Variants in TEAD2 observed in about 807,000 individuals in gnomAD.
TEAD2 encodes transcriptional enhancer factor TEF-4.
In TEAD2, 51 loss-of-function variants were observed where a neutral mutation model predicts 61.4. The observed-to-expected ratio is 0.83, with a 90% CI of 0.66 to 1.05. TEAD2 has a LOEUF of 1.05. Among genes scored for constraint, TEAD2 ranks in the 50% least tolerant of loss-of-function variants. TEAD2 has a pLI of 0.00. For missense variants in TEAD2, 509 were observed against 600.0 expected (o/e 0.85, Z 1.58); for synonymous variants, 244 against 243.2 (o/e 1.00, Z -0.03).
At chr19:49,355,230 G>A (rs763451476) in intron 6 of TEAD2, 24 bp from the exon 7 acceptor site, 2 of 1,613,688 alleles carry the variant, frequency 1.2e-6, no homozygotes, top group South Asian at 1.1e-5. Flanking sequence ...AAAGAAAAAT[G>A]GTTGGTCAGT....
chr19:49,346,407 A>G (rs754915117), intron 10 of TEAD2, among the ~76,000 whole-genome samples: 1 of 152,052 alleles, frequency 6.6e-6, no homozygotes, highest in Non-Finnish European at 1.5e-5. Context: ...CTGTAATCCC[A>G]GCACTTTGGG....
At chr19:49,361,155 C>T (rs1284286820) in intron 1 of TEAD2, among the ~76,000 whole-genome samples, 2 of 45,852 alleles carry the variant, frequency 4.4e-5, no homozygotes, top group African/African-American at 9.7e-5. Flanking sequence ...GGACAGAGAC[C>T]GGGGGGGGGG....
chr19:49,361,033 G>A (rs1265281713), intron 1 of TEAD2, among the ~76,000 whole-genome samples: 10 of 72,880 alleles, frequency 1.4e-4, no homozygotes, highest in African/African-American at 5.6e-4. Context: ...CCAGAGGGAG[G>A]GGGGGACAGA....
Position 49,359,195 on chromosome 19 carries a change from G to A in TEAD2, c.297+240C>T, listed in dbSNP as rs1017303900. On this transcript the variant is annotated intron_variant, in intron 3 of 12. Coordinates refer to ENST00000593945, the MANE Select transcript of TEAD2 (RefSeq NM_001256660.2). This position sits in a 1 kb window ranked among gnomAD's most constrained non-coding sequence, Gnocchi z 4.1. ...AGAGGTTGCAGTGAGCCAAGATCGCGCCACTGCACTCCGGCCTGGGCAACA... is the reference window on the plus strand; with the variant it reads ...AGAGGTTGCAGTGAGCCAAGATCGCACCACTGCACTCCGGCCTGGGCAACA... The A allele has an allele frequency of 1.3e-5, 6 of 456,548 alleles. No homozygotes were observed. The highest frequency in any genetic ancestry group is 4.9e-5 in the South Asian group (2 of 40,796). 28.3% of individuals were successfully genotyped at this position (456,548 alleles called of 1,614,324 possible). A position where few individuals can be genotyped will look rare whatever the true frequency, so the allele number is the denominator to read the frequency against.
chr19:49,360,337 C>T, intron 1 of TEAD2: 1 of 508,794 alleles, frequency 2.0e-6, no homozygotes, highest in African/African-American at 1.9e-5. Flanking sequence ...GATCTGGGGC[C>T]TGGACTCCTG....
chr19:49,347,087 G>T, intron 10 of TEAD2, 103 bp downstream of exon 10: 1 of 1,473,816 alleles, frequency 6.8e-7, no homozygotes, highest in Non-Finnish European at 9.3e-7. Flanking sequence ...GTAAGTCCCA[G>T]GCTGACCTGG....
chr19:49,347,786 C>G (rs1380965572), intron 9 of TEAD2, among the ~76,000 whole-genome samples: 1 of 152,186 alleles, frequency 6.6e-6, no homozygotes, highest in Non-Finnish European at 1.5e-5. Flanking sequence ...CTATATAGAA[C>G]AGGTGCTCAT....
chr19:49,347,024 CG>C (rs1237815588), intron 10 of TEAD2, among the ~76,000 whole-genome samples, 165 bp downstream of exon 10: 1 of 152,174 alleles, frequency 6.6e-6, no homozygotes, highest in African/African-American at 2.4e-5. Context: ...CTGGCCTCCT[CG>C]GTGTTCCTTG....
At chr19:49,349,841 A>G (rs1971897824) in intron 8 of TEAD2, among the ~76,000 whole-genome samples, 1 of 152,214 alleles carries the variant, frequency 6.6e-6, no homozygotes, top group Admixed American at 6.6e-5. Context: ...GGACCAACAC[A>G]GACATGATCC....
rs368046572 is a variant in TEAD2 at position 49,348,616 on chromosome 19, G to C, written c.747+87C>G. ...TCAGATGATTCTGATACATGCTAAA[G>C]TTTTAAAACCATGACTTTATACATT... On this transcript the variant is annotated intron_variant, in intron 9 of 12. Transcript: ENST00000593945. 25 of 1,271,812 alleles carry C rather than the reference G, an allele frequency of 2.0e-5. No individual in the cohort carries two copies. In the East Asian group the frequency reaches 4.6e-4, roughly 24 times the overall value. 78.8% of individuals were successfully genotyped at this position (1,271,812 alleles called of 1,614,324 possible). A position where few individuals can be genotyped will look rare whatever the true frequency, so the allele number is the denominator to read the frequency against.
chr19:49,355,251 C>G (rs1215710435), intron 6 of TEAD2, 45 bp from the exon 7 acceptor site: 1 of 1,613,396 alleles, frequency 6.2e-7, no homozygotes, highest in Non-Finnish European at 8.5e-7. Flanking sequence ...CCCCTGTGGA[C>G]AGCTGCAGCC....
At position 49,362,385 on chromosome 19, in the gene TEAD2, G is replaced by A. The variant is rs1973018935; in HGVS notation, c.-59C>T. ...GGCGCCTTCCTACCTCCCGGCCTGGGGCTGGGGAGCCGCGGGCGGGCGGGG... is the reference window on the plus strand; with the variant it reads ...GGCGCCTTCCTACCTCCCGGCCTGGAGCTGGGGAGCCGCGGGCGGGCGGGG... On this transcript the variant is annotated 5_prime_UTR_variant, in exon 1 of 13. Transcript: ENST00000593945. 1 of 152,236 alleles carries A rather than the reference G, an allele frequency of 6.6e-6. No individual in the cohort carries two copies. The highest frequency in any genetic ancestry group is 1.5e-5 in the Non-Finnish European group (1 of 68,064). 9.4% of individuals were successfully genotyped at this position (152,236 alleles called of 1,614,324 possible). A position where few individuals can be genotyped will look rare whatever the true frequency, so the allele number is the denominator to read the frequency against.
rs73590111 is a variant in TEAD2, at chr19:49,351,288, C to A, written c.604+13G>T. 1 of 1,608,888 alleles carries A rather than the reference C, an allele frequency of 6.2e-7. No individual in the cohort carries two copies. Among genetic ancestry groups the A allele is most frequent in the Non-Finnish European group, 8.5e-7 (1 of 1,177,994 alleles). ...AGAGGGGAGACAAGGGAGGGTGGAG[C>A]GCAGGCTCTTACCTGGGAGGTCAGT... is the stretch of plus-strand genomic sequence containing the variant. On this transcript the variant is annotated intron_variant, in intron 8 of 12. Transcript: ENST00000593945.
rs762284945 is a variant in TEAD2 at position 49,347,378 on chromosome 19, C to T, written c.748-15G>A. The T allele has an allele frequency of 6.2e-7, 1 of 1,600,420 alleles. No individual in the cohort carries two copies. Among genetic ancestry groups the T allele is most frequent in the South Asian group, 1.1e-5 (1 of 90,966 alleles). On this transcript the variant is annotated splice_polypyrimidine_tract_variant and intron_variant, in intron 9 of 12. Transcript: ENST00000593945. ...TGCCTCTGGTACTGAGGAGGGTTGG[C>T]CGTGGGTGAGAAGTCGGAGGTGAGC...
intron 7 of TEAD2, among the ~76,000 whole-genome samples, chr19:49,352,344 G>A (rs1972078156): frequency 6.6e-6 from 1 of 152,168 alleles, no homozygotes; most frequent in South Asian, 2.1e-4. Context: ...TTAAATAGCT[G>A]CATGAGGCTA....
chr19:49,356,397 A>AC (rs939133312), intron 4 of TEAD2: 1 of 153,900 alleles, frequency 6.5e-6, no homozygotes, highest in Non-Finnish European at 1.4e-5. Flanking sequence ...AAAAAAAAAA[A>AC]AAACCAGAAG....
chr19:49,347,355 C>T lies in TEAD2; in HGVS notation c.756G>A (p.Arg252=), dbSNP rs373092673. 3.5e-5 allele frequency: 57 copies of T among 1,609,120 alleles called. No individual in the cohort carries two copies. The highest frequency in any genetic ancestry group is 6.7e-5 in the African/African-American group (5 of 74,876). Residue 252 remains arginine (R), a synonymous_variant, in exon 10 of 13, where the codon AGG becomes AGA. Transcript: ENST00000593945. ...EPPDAVDSYQ[R]HLFVHISQHC... is the part of the protein sequence containing the mutation. ...GCTGGCTGATGTGCACGAACAGGTGCCTCTGGTACTGAGGAGGGTTGGCCG... is the reference window on the plus strand; with the variant it reads ...GCTGGCTGATGTGCACGAACAGGTGTCTCTGGTACTGAGGAGGGTTGGCCG...
chr19:49,354,897 C>T (rs2099103), intron 7 of TEAD2, among the ~76,000 whole-genome samples: 2,787 of 152,274 alleles, frequency 0.018, 44 homozygotes, highest in Non-Finnish European at 0.029. Context: ...ACTCGGGAGG[C>T]TGAGGCAGGA....
At chr19:49,351,503 G>A in intron 7 of TEAD2, 138 bp from the exon 8 acceptor site, 2 of 759,912 alleles carry the variant, frequency 2.6e-6, no homozygotes, top group Non-Finnish European at 4.2e-6. Context: ...AGTGCGTGAG[G>A]TAGGTAGAAT....
Sources: gnomAD v4.1 joint callset for allele counts (sites outside exome capture counted in the v4.1 genomes callset) on GRCh38, gnomAD v4.1.1 for gene constraint, Gnocchi (gnomAD v3.1) non-coding constraint, MANE v1.5 for transcripts, NCBI Gene and HGNC (gene_info 2026-07-23, HGNC 2026-07-21) for gene names.